Variants in CEP126 observed in about 807,000 individuals in gnomAD.
CEP126 encodes centrosomal protein 126.
In CEP126, 74 loss-of-function variants were observed where a neutral mutation model predicts 107.8. That is an observed-to-expected ratio of 0.69 (90% CI 0.57 to 0.83). The LOEUF is 0.83. Among genes scored for constraint, CEP126 ranks in the 40% least tolerant of loss-of-function variants. CEP126 has a pLI of 0.00. For missense variants in CEP126, 1,237 were observed against 1,281.9 expected, an observed-to-expected ratio of 0.96 and a Z score of 0.53; for synonymous variants, 449 against 446.0, an observed-to-expected ratio of 1.01 and a Z score of -0.08.
At chr11:101,935,382 T>C (rs375376139) in intron 2 of CEP126, among the ~76,000 whole-genome samples, 6 of 152,172 alleles carry the variant, frequency 3.9e-5, no homozygotes, top group African/African-American at 1.4e-4. Context: ...AATTGTTTGT[T>C]CTATGGTTAG....
chr11:101,948,007 G>A, intron 3 of CEP126, 24 bp from the exon 4 acceptor site: 1 of 1,376,864 alleles, frequency 7.3e-7, no homozygotes. Context: ...ATTCTGTACT[G>A]TTCGGTCTTT....
chr11:101,971,184 G>T (rs1264504186), intron 6 of CEP126, among the ~76,000 whole-genome samples: 1 of 151,812 alleles, frequency 6.6e-6, no homozygotes, highest in Non-Finnish European at 1.5e-5. Flanking sequence ...GCCCAGGCTG[G>T]TCTCAAACTC....
chr11:101,949,086 GTGAGTGGATGGCATT>G (rs1191385930), intron 4 of CEP126, among the ~76,000 whole-genome samples: 1 of 152,212 alleles, frequency 6.6e-6, no homozygotes, highest in Non-Finnish European at 1.5e-5. Context: ...TTTGGAACAA[GTGAGTGGATGGCATT>G]TTAGACAGAG....
At chr11:101,947,053 T>C (rs1441307096) in intron 3 of CEP126, among the ~76,000 whole-genome samples, 1 of 152,198 alleles carries the variant, frequency 6.6e-6, no homozygotes, top group African/African-American at 2.4e-5. Flanking sequence ...ATTAGGGAAA[T>C]GGATTGTCTT....
At position 101,958,181 on chromosome 11, in the gene CEP126, G is replaced by T. The variant is rs1940924480; in HGVS notation, c.520G>T (p.Ala174Ser). ...PTINWRAIDS[A>S]LPSALSKNDH... The stretch of plus-strand genomic sequence containing the variant: ...TCTGGTTCACAGAGCTATAGATTCT[G>T]CCTTGCCTTCCGCATTATCAAAAAA... Residue 174 changes from alanine (A) to serine (S), a missense_variant, in exon 5 of 11, where the codon GCC (alanine) becomes TCC (serine). Around this residue, in one of 3 missense-constraint regions of CEP126, gnomAD observed 1,134 missense variants for 1,150.5 expected, o/e 0.99. Coordinates refer to ENST00000263468, the MANE Select transcript of CEP126 (RefSeq NM_020802.4). The T allele has an allele frequency of 6.2e-7, 1 of 1,613,734 alleles. No individual in the cohort carries two copies.
At chr11:101,937,604 G>A (rs1290506679) in intron 2 of CEP126, among the ~76,000 whole-genome samples, 1 of 152,150 alleles carries the variant, frequency 6.6e-6, no homozygotes, top group Non-Finnish European at 1.5e-5. Flanking sequence ...CTTCTAATGT[G>A]TTGTCGGGTT....
Position 101,978,315 on chromosome 11 carries a change from A to C in CEP126, c.2846-32A>C, listed in dbSNP as rs536330428. 12 of 1,436,504 alleles carry C rather than the reference A, an allele frequency of 8.4e-6. No homozygotes were observed. In the South Asian group the frequency reaches 1.1e-4, roughly 13 times the overall value. 89.0% of individuals were successfully genotyped at this position (1,436,504 alleles called of 1,614,324 possible). On this transcript the variant is annotated intron_variant, in intron 6 of 10. Coordinates refer to ENST00000263468, the MANE Select transcript of CEP126 (RefSeq NM_020802.4). ...TATATATTGGCTACTCAACTAGCAT[A>C]ATTTTTAACATTGTGCTGGCATTTG... is the stretch of plus-strand genomic sequence containing the variant.
At chr11:101,995,389 T>G (rs1033885936) in intron 10 of CEP126, among the ~76,000 whole-genome samples, 7 of 152,202 alleles carry the variant, frequency 4.6e-5, no homozygotes, top group Non-Finnish European at 1.0e-4. Context: ...TGGAATCACA[T>G]GGAGAGCTTT....
At chr11:101,929,834 C>T (rs1940466498) in intron 2 of CEP126, among the ~76,000 whole-genome samples, 1 of 152,130 alleles carries the variant, frequency 6.6e-6, no homozygotes, top group South Asian at 2.1e-4. Context: ...TCCATTCAGT[C>T]TTTTCTGGCT....
At chr11:101,995,038 G>A (rs780383920) in intron 10 of CEP126, among the ~76,000 whole-genome samples, 8 of 151,816 alleles carry the variant, frequency 5.3e-5, no homozygotes, top group Non-Finnish European at 1.2e-4. Context: ...CTCCACCCCC[G>A]ACAGGCCCTG....
chr11:101,928,946 A>G (rs1385553037), intron 2 of CEP126, among the ~76,000 whole-genome samples: 2 of 152,194 alleles, frequency 1.3e-5, no homozygotes, highest in Non-Finnish European at 2.9e-5. Context: ...TAGGAATTGC[A>G]TTATACCTGT....
intron 2 of CEP126, among the ~76,000 whole-genome samples, chr11:101,940,513 C>G (rs1940648526): frequency 6.6e-6 from 1 of 152,134 alleles, no homozygotes; most frequent in Admixed American, 6.5e-5. Flanking sequence ...AATTTAGTAG[C>G]TTATTTATTA....
Position 101,963,289 on chromosome 11 carries a change from G to A in CEP126, c.2254G>A (p.Gly752Ser). Residue 752 changes from glycine (G) to serine (S), a missense_variant, in exon 6 of 11, where the codon GGT (glycine) becomes AGT (serine). By Grantham distance (56) the Gly-to-Ser change is moderately conservative (BLOSUM62 0). Around this residue, in one of 3 missense-constraint regions of CEP126, gnomAD observed 1,134 missense variants for 1,150.5 expected, o/e 0.99. Transcript: ENST00000263468. ...AACTAAGCAAGGTAAGCCACAAAGA[G>A]GTAGAGCAAAAATAATTAGAAAACC... The part of the protein sequence containing the change: ...SKTKQGKPQR[G>S]RAKIIRKPGS... 1 of 1,613,942 alleles carries A rather than the reference G, an allele frequency of 6.2e-7. No homozygotes were observed. Among genetic ancestry groups the A allele is most frequent in the Non-Finnish European group, 8.5e-7 (1 of 1,180,000 alleles).
chr11:101,954,984 TA>T (rs1940865000), intron 4 of CEP126, among the ~76,000 whole-genome samples: 1 of 152,004 alleles, frequency 6.6e-6, no homozygotes, highest in Admixed American at 6.6e-5. Flanking sequence ...TGCCAAGAAA[TA>T]AGGGGCTTAC....
intron 10 of CEP126, 180 bp downstream of exon 10, chr11:101,993,022 G>T (rs189044495): frequency 1.8e-4 from 62 of 349,928 alleles, no homozygotes; most frequent in African/African-American, 1.3e-3. Context: ...CAAATATCCT[G>T]TCATTTAAAA....
At chr11:101,947,037 C>T (rs1184316466) in intron 3 of CEP126, among the ~76,000 whole-genome samples, 1 of 152,014 alleles carries the variant, frequency 6.6e-6, no homozygotes, top group East Asian at 1.9e-4. Flanking sequence ...ATGTAATCAC[C>T]AGTTGATTAG....
intron 7 of CEP126, among the ~76,000 whole-genome samples, chr11:101,979,096 C>T (rs1941226345): frequency 6.6e-6 from 1 of 151,876 alleles, no homozygotes; most frequent in Non-Finnish European, 1.5e-5. Flanking sequence ...CGCATCATTG[C>T]ACTCCAGCCT....
At position 101,963,760 on chromosome 11, in the gene CEP126, C is replaced by A; in HGVS notation, c.2725C>A (p.Gln909Lys). 6.2e-7 allele frequency: 1 copy of A among 1,614,046 alleles called. No individual in the cohort carries two copies. The highest frequency in any genetic ancestry group is 8.5e-7 in the Non-Finnish European group (1 of 1,180,000). Residue 909 changes from glutamine to lysine, a missense_variant, in exon 6 of 11, where the codon CAA becomes AAA. Physicochemically the swap from Gln to Lys is moderately conservative, Grantham distance 53. This residue lies in a region of CEP126 where 1,134 missense variants were observed against 1,150.5 expected (regional missense o/e 0.99). Transcript: ENST00000263468. ...ARQDATLYCTQRSPVCEESYP... is the reference protein window; with the variant it reads ...ARQDATLYCTKRSPVCEESYP... ...GCAAGATGCGACATTATATTGCACCCAAAGAAGTCCTGTTTGTGAAGAAAG... is the reference window on the plus strand; with the variant it reads ...GCAAGATGCGACATTATATTGCACCAAAAGAAGTCCTGTTTGTGAAGAAAG...
In CEP126 at chr11:101,963,132, G is replaced by A. The variant is rs778343173; in HGVS notation, c.2097G>A (p.Thr699=). The A allele has an allele frequency of 1.3e-5, 21 of 1,613,856 alleles. No individual in the cohort carries two copies. The highest frequency in any genetic ancestry group is 5.0e-5 in the Admixed American group (3 of 59,988). ...SREDSISENV[T]TLGGSGADHM... ...AGGATTCTATCTCTGAAAATGTTAC[G>A]ACTTTAGGAGGATCTGGAGCAGACC... The change falls in exon 6 of 11, where the codon ACG becomes ACA. Residue 699 remains threonine, a synonymous_variant. Coordinates refer to ENST00000263468, the MANE Select transcript of CEP126 (RefSeq NM_020802.4).
Sources: allele counts gnomAD v4.1 joint callset (sites outside exome capture counted in the v4.1 genomes callset), GRCh38; gene constraint gnomAD v4.1.1; regional missense constraint gnomAD v4.1.1; transcripts MANE v1.5; gene names NCBI Gene and HGNC (gene_info 2026-07-23, HGNC 2026-07-21).